SIL1: variants seen among roughly 807,000 people sequenced by gnomAD.
SIL1 encodes the protein SIL1 nucleotide exchange factor.
Under a neutral mutation model 49.1 loss-of-function variants are expected in SIL1, and 40 were observed. The ratio of observed to expected loss-of-function variants is 0.81; its 90% CI spans 0.63 to 1.06. The LOEUF (loss-of-function observed/expected upper bound fraction) is 1.06. Ranked by LOEUF, SIL1 falls within the 50% of genes least tolerant of loss-of-function variation. The pLI, the probability that SIL1 is intolerant of heterozygous loss-of-function variation, is 0.00. For synonymous variants in SIL1, 253 were observed against 250.8 expected (o/e 1.01, Z -0.08); for missense variants, 500 against 572.6 (o/e 0.87, Z 1.29).
intron 1 of SIL1, among the ~76,000 whole-genome samples, chr5:139,130,905 A>C (rs1750850068): frequency 6.6e-6 from 1 of 152,232 alleles, no homozygotes; most frequent in Admixed American, 6.5e-5. Flanking sequence ...AATTATATGA[A>C]ATATTTAGAA....
intron 7 of SIL1, among the ~76,000 whole-genome samples, chr5:139,003,656 A>G (rs1285826540): frequency 6.6e-6 from 1 of 152,224 alleles, no homozygotes; most frequent in Non-Finnish European, 1.5e-5. Context: ...ATGAGCATAT[A>G]TATTATCTGC....
At chr5:138,999,812 T>G (rs894175742) in intron 7 of SIL1, among the ~76,000 whole-genome samples, 1 of 152,198 alleles carries the variant, frequency 6.6e-6, no homozygotes, top group Non-Finnish European at 1.5e-5. Flanking sequence ...GTGGGAAGAT[T>G]GCTTGAGCCC....
chr5:139,128,538 A>G (rs900506549), intron 1 of SIL1, among the ~76,000 whole-genome samples: 2 of 151,914 alleles, frequency 1.3e-5, no homozygotes, highest in Non-Finnish European at 2.9e-5. Context: ...AGTCCCAACT[A>G]TGTGGAAGGC....
intron 1 of SIL1, among the ~76,000 whole-genome samples, chr5:139,167,569 ATTTG>A (rs1465648714): frequency 3.3e-5 from 5 of 152,262 alleles, no homozygotes; most frequent in African/African-American, 9.6e-5. Context: ...TACAATATGC[ATTTG>A]TTTAAGCTGT....
rs140156629 is a variant in SIL1 at position 139,165,721 on chromosome 5, G to A, written c.-11+32548C>T. ...TCACCAGGCTGGAATACAGTGACAC[G>A]ATCTCGGTTTACTGCAACCTCCGCT... On this transcript the variant is annotated intron_variant, in intron 1 of 9. Transcript: ENST00000394817. 3.1e-4 allele frequency among the ~76,000 whole-genome samples: 47 copies of A among 151,956 alleles called. No homozygotes were observed. In the East Asian group the frequency reaches 6.4e-3, roughly 21 times the overall value.
At chr5:139,164,977 G>A (rs1052357922) in intron 1 of SIL1, among the ~76,000 whole-genome samples, 1 of 152,138 alleles carries the variant, frequency 6.6e-6, no homozygotes, top group Admixed American at 6.5e-5. Flanking sequence ...ATCTTGAATG[G>A]CCCTGCAAAG....
intron 2 of SIL1, among the ~76,000 whole-genome samples, chr5:139,122,117 C>T (rs1258691914): frequency 6.6e-6 from 1 of 152,126 alleles, no homozygotes; most frequent in Admixed American, 6.5e-5. Context: ...CCTGTCATCG[C>T]TTTTTCTCTG....
intron 3 of SIL1, among the ~76,000 whole-genome samples, chr5:139,055,452 T>G (rs1016247316): frequency 6.6e-6 from 1 of 152,116 alleles, no homozygotes; most frequent in African/African-American, 2.4e-5. Flanking sequence ...GTGTGCCTTC[T>G]CACACCTTGA....
intron 3 of SIL1, among the ~76,000 whole-genome samples, chr5:139,059,036 T>C (rs1769524424): frequency 6.6e-6 from 1 of 151,850 alleles, no homozygotes; most frequent in Admixed American, 6.6e-5. Context: ...AAATTATATA[T>C]ACACACACAA....
intron 1 of SIL1, among the ~76,000 whole-genome samples, chr5:139,143,288 CAT>C (rs1284298597): frequency 7.7e-5 from 11 of 143,348 alleles, no homozygotes; most frequent in African/African-American, 1.8e-4. Flanking sequence ...TGTATATACA[CAT>C]GTGTATATAC....
chr5:139,158,695 C>A (rs1751449652), intron 1 of SIL1, among the ~76,000 whole-genome samples: 2 of 152,036 alleles, frequency 1.3e-5, no homozygotes, highest in South Asian at 2.1e-4. Context: ...GAGAACAAAG[C>A]CTTTCAGTTA....
At chr5:139,093,733 T>G (rs1386815462) in intron 3 of SIL1, 1 of 152,232 alleles carries the variant, frequency 6.6e-6, no homozygotes, top group Non-Finnish European at 1.5e-5. Flanking sequence ...TGAACAGGAT[T>G]TGTTGAACCA....
chr5:139,104,348 G>A (rs781042430), intron 3 of SIL1, among the ~76,000 whole-genome samples: 3 of 152,170 alleles, frequency 2.0e-5, no homozygotes, highest in Non-Finnish European at 2.9e-5. Context: ...TAACAGGCTG[G>A]TAGGCCAGAA....
In SIL1 at chr5:138,967,342, C is replaced by T. The variant is rs1482700198; in HGVS notation, c.768-15458G>A. Among the ~76,000 whole-genome samples, 3 of 152,206 alleles carry T rather than the reference C, an allele frequency of 2.0e-5. No homozygotes were observed. The East Asian group carries it at 5.8e-4, about 29-fold the overall frequency. On this transcript the variant is annotated intron_variant, in intron 7 of 9. Coordinates refer to ENST00000394817, the MANE Select transcript of SIL1 (RefSeq NM_022464.5). ...CCTGGCCATCTGCATTTTAACAAGG[C>T]TTCCAGGTGCTTCTGAGGCATGCTT...
chr5:139,074,756 A>T (rs1002336453), intron 3 of SIL1, among the ~76,000 whole-genome samples: 18 of 152,172 alleles, frequency 1.2e-4, no homozygotes, highest in African/African-American at 4.3e-4. Context: ...AGAGTTTTTT[A>T]AAATAGGAAT....
chr5:139,035,731 C>A (rs1258585588), intron 5 of SIL1: 6 of 198,600 alleles, frequency 3.0e-5, no homozygotes, highest in African/African-American at 1.5e-4. Flanking sequence ...TCACTGCAAG[C>A]TCCGCCTCCC....
chr5:139,104,582 AACTC>A (rs1349525035), intron 3 of SIL1, among the ~76,000 whole-genome samples: 1 of 152,202 alleles, frequency 6.6e-6, no homozygotes. Context: ...CGTTACCAGT[AACTC>A]ACTTTCAACA....
intron 7 of SIL1, among the ~76,000 whole-genome samples, chr5:138,953,973 A>G (rs1056332368): frequency 1.3e-5 from 2 of 152,210 alleles, no homozygotes; most frequent in African/African-American, 4.8e-5. Context: ...AGCTCATCAC[A>G]GCACCCCATC....
chr5:138,986,357 T>C (rs1195277962), intron 7 of SIL1, among the ~76,000 whole-genome samples: 1 of 152,214 alleles, frequency 6.6e-6, no homozygotes, highest in African/African-American at 2.4e-5. Context: ...TTCACTCTAA[T>C]GATAATGCAC....
Sources: gnomAD v4.1 joint callset for allele counts (sites outside exome capture counted in the v4.1 genomes callset) on GRCh38, gnomAD v4.1.1 for gene constraint, MANE v1.5 for transcripts, NCBI Gene and HGNC (gene_info 2026-07-23, HGNC 2026-07-21) for gene names.